VRK1: variants seen among roughly 807,000 people sequenced by gnomAD.
The protein encoded by VRK1 is serine/threonine-protein kinase VRK1.
VRK1 carries 33 observed loss-of-function variants against 57.1 expected under a neutral mutation model. That is an observed-to-expected ratio of 0.58 (90% CI 0.44 to 0.77). The LOEUF is 0.77. VRK1 is among the 30% of genes least tolerant of loss of function. VRK1 has a pLI of 0.00. For synonymous variants in VRK1, 137 were observed against 147.8 expected (o/e 0.93, Z 0.53); for missense variants, 413 against 477.3 (o/e 0.87, Z 1.25).
chr14:96,850,239 T>C (rs572306108), intron 5 of VRK1, among the ~76,000 whole-genome samples: 98 of 152,318 alleles, frequency 6.4e-4, no homozygotes, highest in African/African-American at 2.3e-3. Context: ...CCAGCCCCCT[T>C]CCATGCCAGA....
intron 1 of VRK1, among the ~76,000 whole-genome samples, chr14:96,820,060 T>C (rs1260877671): frequency 1.3e-5 from 2 of 152,118 alleles, no homozygotes; most frequent in African/African-American, 4.8e-5. Flanking sequence ...CATGACCTTT[T>C]TTTGGTGCAA....
intron 12 of VRK1, among the ~76,000 whole-genome samples, chr14:96,878,722 A>G (rs1490055977): frequency 6.6e-6 from 1 of 152,164 alleles, no homozygotes. Flanking sequence ...TTCAAGAAGA[A>G]CAGAGGCCTC....
chr14:96,817,588 C>G (rs1886442615), intron 1 of VRK1, among the ~76,000 whole-genome samples: 1 of 151,930 alleles, frequency 6.6e-6, no homozygotes, highest in Admixed American at 6.6e-5. Flanking sequence ...AAATATTCTC[C>G]CATAGAGCCC....
In VRK1 at chr14:96,798,231, G is replaced by C. The variant is rs1363256270; in HGVS notation, c.-6+784G>C. Among the ~76,000 whole-genome samples the C allele has an allele frequency of 2.0e-5, 3 of 152,186 alleles. No homozygotes were observed. In the East Asian group the frequency reaches 5.8e-4, roughly 29 times the overall value. On this transcript the variant is annotated intron_variant, in intron 1 of 12. Coordinates refer to ENST00000216639, the MANE Select transcript of VRK1 (RefSeq NM_003384.3). The stretch of plus-strand genomic sequence containing the variant: ...CATTCTGTCCTTACCTGGCAGGGTG[G>C]CATCCTTTACTGTTGCAGCTCCATT...
intron 3 of VRK1, among the ~76,000 whole-genome samples, chr14:96,844,528 C>T (rs527788202): frequency 6.6e-6 from 1 of 152,146 alleles, no homozygotes; most frequent in African/African-American, 2.4e-5. Flanking sequence ...TTGGCTAATC[C>T]GTTTTCCTCT....
intron 3 of VRK1, among the ~76,000 whole-genome samples, 190 bp downstream of exon 3, chr14:96,838,007 CTT>C (rs1448975487): frequency 3.3e-5 from 5 of 151,984 alleles, no homozygotes; most frequent in South Asian, 2.1e-4. Flanking sequence ...AAGTTCCTCT[CTT>C]GAAATAAAGT....
chr14:96,861,770 A>G (rs1888398456), intron 11 of VRK1, among the ~76,000 whole-genome samples: 1 of 151,996 alleles, frequency 6.6e-6, no homozygotes, highest in Non-Finnish European at 1.5e-5. Context: ...TTTTTCTTTG[A>G]TAAGTTTTAT....
At chr14:96,819,392 A>C (rs1886511888) in intron 1 of VRK1, among the ~76,000 whole-genome samples, 1 of 152,204 alleles carries the variant, frequency 6.6e-6, no homozygotes, top group South Asian at 2.1e-4. Context: ...AGAAAGTAAG[A>C]TGTACCAGAA....
At chr14:96,841,769 A>AG (rs1483264025) in intron 3 of VRK1, among the ~76,000 whole-genome samples, 1 of 151,590 alleles carries the variant, frequency 6.6e-6, no homozygotes, top group Non-Finnish European at 1.5e-5. Flanking sequence ...TGGGAGGCAG[A>AG]GGTTGCAGTG....
chr14:96,856,836 C>T (rs945089362), intron 10 of VRK1, among the ~76,000 whole-genome samples: 10 of 152,068 alleles, frequency 6.6e-5, no homozygotes, highest in South Asian at 2.1e-4. Flanking sequence ...GGCGTGGTGA[C>T]GCACGCCTGT....
At chr14:96,832,930 A>C (rs1438009225) in intron 1 of VRK1, among the ~76,000 whole-genome samples, 1 of 152,080 alleles carries the variant, frequency 6.6e-6, no homozygotes, top group African/African-American at 2.4e-5. Context: ...GTTTCCTCGA[A>C]ATGGAGGTGA....
At position 96,834,607 on chromosome 14, in the gene VRK1, G is replaced by C. The variant is rs570684979; in HGVS notation, c.160+976G>C. 3.9e-5 allele frequency among the ~76,000 whole-genome samples: 6 copies of C among 152,310 alleles called. No homozygotes were observed. In the East Asian group the frequency reaches 1.2e-3, roughly 29 times the overall value. On this transcript the variant is annotated intron_variant, in intron 2 of 12. Transcript: ENST00000216639. ...CTCCAGGAGCAGTGGGCCGCCCTTGGTCAGTTGCAGTTTCTGGAGCTATCT... is the reference window on the plus strand; with the variant it reads ...CTCCAGGAGCAGTGGGCCGCCCTTGCTCAGTTGCAGTTTCTGGAGCTATCT...
intron 11 of VRK1, among the ~76,000 whole-genome samples, chr14:96,864,804 G>T (rs906891272): frequency 1.3e-5 from 2 of 151,480 alleles, no homozygotes; most frequent in African/African-American, 4.9e-5. Flanking sequence ...GCACTGATTT[G>T]TTTATGGTTT....
At chr14:96,807,610 A>G (rs965830478) in intron 1 of VRK1, among the ~76,000 whole-genome samples, 4 of 152,190 alleles carry the variant, frequency 2.6e-5, no homozygotes, top group African/African-American at 9.7e-5. Flanking sequence ...TCCTTCTTCT[A>G]CATAATTTTA....
In VRK1 at chr14:96,839,571, T is replaced by G. The variant is rs149142750; in HGVS notation, c.216+1754T>G. Among the ~76,000 whole-genome samples, 125 of 152,328 alleles carry G rather than the reference T, an allele frequency of 8.2e-4. 1 individual carries two copies. Among genetic ancestry groups the G allele is most frequent in the African/African-American group, 2.9e-3 (120 of 41,576 alleles). On this transcript the variant is annotated intron_variant, in intron 3 of 12. Transcript: ENST00000216639. ...TAGTATGTAGATGTGACTTATAGTT[T>G]CAGTTTGCACGTGCTTGTTGCCTAA...
intron 1 of VRK1, among the ~76,000 whole-genome samples, chr14:96,797,982 G>C (rs895909406): frequency 1.8e-4 from 28 of 152,216 alleles, no homozygotes; most frequent in African/African-American, 6.8e-4. Context: ...GGTGATCCGG[G>C]AGGGCATCTC....
intron 4 of VRK1, among the ~76,000 whole-genome samples, chr14:96,846,902 T>G (rs1168899597): frequency 2.0e-5 from 3 of 152,088 alleles, no homozygotes; most frequent in African/African-American, 7.2e-5. Flanking sequence ...CCATTTTATA[T>G]GAGGGACTTG....
At chr14:96,861,870 T>A (rs1358670800) in intron 11 of VRK1, among the ~76,000 whole-genome samples, 1 of 152,090 alleles carries the variant, frequency 6.6e-6, no homozygotes, top group African/African-American at 2.4e-5. Flanking sequence ...GAAGCCTGAG[T>A]GGAATTTTTT....
chr14:96,876,474 A>G (rs1889036237), intron 12 of VRK1, among the ~76,000 whole-genome samples: 1 of 152,150 alleles, frequency 6.6e-6, no homozygotes, highest in Admixed American at 6.5e-5. Flanking sequence ...GTTTGAGTCC[A>G]GTCTGGGCAA....
Sources: allele counts gnomAD v4.1 joint callset (sites outside exome capture counted in the v4.1 genomes callset), GRCh38; gene constraint gnomAD v4.1.1; transcripts MANE v1.5; gene names NCBI Gene and HGNC (gene_info 2026-07-23, HGNC 2026-07-21).